Variants in CTNNA3 observed in about 807,000 individuals in gnomAD.
The protein encoded by CTNNA3 is catenin alpha 3.
In CTNNA3, 76 loss-of-function variants were observed where a neutral mutation model predicts 95.7. The ratio of observed to expected loss-of-function variants is 0.79; its 90% CI spans 0.66 to 0.96. The LOEUF is 0.96. Ranked by LOEUF, CTNNA3 falls within the 40% of genes least tolerant of loss-of-function variation. The pLI, the probability that CTNNA3 is intolerant of heterozygous loss-of-function variation, is 0.00. For missense variants in CTNNA3, 1,191 were observed against 1,089.8 expected, an observed-to-expected ratio of 1.09 and a Z score of -1.31; for synonymous variants, 431 against 374.4, an observed-to-expected ratio of 1.15 and a Z score of -1.74.
chr10:67,065,533 C>T (rs1856022627), intron 7 of CTNNA3, among the ~76,000 whole-genome samples: 1 of 151,946 alleles, frequency 6.6e-6, no homozygotes, highest in Admixed American at 6.6e-5. Flanking sequence ...TTCCTGGGCC[C>T]ACAGGAAGTA....
chr10:67,189,153 A>AAC (rs1236646991), intron 6 of CTNNA3, among the ~76,000 whole-genome samples: 2 of 151,838 alleles, frequency 1.3e-5, no homozygotes, highest in African/African-American at 4.8e-5. Context: ...AAAAAAAAAA[A>AAC]CAGAAAATTC....
intron 10 of CTNNA3, among the ~76,000 whole-genome samples, chr10:66,612,842 T>C (rs570785513): frequency 1.3e-5 from 2 of 152,128 alleles, no homozygotes; most frequent in South Asian, 4.2e-4. Context: ...CCATGGAAAA[T>C]GACATTTTTC....
intron 16 of CTNNA3, among the ~76,000 whole-genome samples, chr10:65,982,585 A>T (rs2078342336): frequency 2.0e-5 from 3 of 151,368 alleles, no homozygotes; most frequent in Non-Finnish European, 4.4e-5. Context: ...CAATTGCATA[A>T]ATATGGAATC....
intron 3 of CTNNA3, among the ~76,000 whole-genome samples, chr10:67,541,672 G>A (rs981837066): frequency 2.6e-5 from 4 of 151,992 alleles, no homozygotes; most frequent in African/African-American, 7.2e-5. Context: ...ATTTAAACAT[G>A]GAAAGCACTC....
chr10:67,235,127 T>C (rs1865392785), intron 5 of CTNNA3, among the ~76,000 whole-genome samples: 1 of 152,052 alleles, frequency 6.6e-6, no homozygotes, highest in Non-Finnish European at 1.5e-5. Flanking sequence ...CCCATCAAGC[T>C]ACTAATGACT....
intron 5 of CTNNA3, among the ~76,000 whole-genome samples, chr10:67,224,103 G>T (rs899653542): frequency 6.6e-6 from 1 of 152,160 alleles, no homozygotes; most frequent in Admixed American, 6.5e-5. Context: ...TATGTGCTGT[G>T]AGAACATGTA....
intron 2 of CTNNA3, among the ~76,000 whole-genome samples, chr10:67,617,301 G>A (rs545807893): frequency 2.6e-5 from 4 of 152,078 alleles, no homozygotes; most frequent in Non-Finnish European, 2.9e-5. Context: ...CCCTCTATGT[G>A]TCCATGTGTT....
intron 1 of CTNNA3, among the ~76,000 whole-genome samples, chr10:67,692,130 C>A (rs1026721466): frequency 4.6e-5 from 7 of 151,274 alleles, no homozygotes; most frequent in Admixed American, 4.6e-4. Context: ...GGGTCAGCCC[C>A]CTGCCCGGCC....
At chr10:67,089,276 T>C (rs1857491062) in intron 7 of CTNNA3, among the ~76,000 whole-genome samples, 1 of 152,110 alleles carries the variant, frequency 6.6e-6, no homozygotes, top group African/African-American at 2.4e-5. Flanking sequence ...GGATTACATT[T>C]AAGAATTATA....
chr10:67,483,776 T>TA (rs71468814), intron 5 of CTNNA3, among the ~76,000 whole-genome samples: 11,422 of 110,736 alleles, frequency 0.1, 569 homozygotes, highest in South Asian at 0.17. Flanking sequence ...AAATAAAAAT[T>TA]AAAAAAAAAA....
intron 12 of CTNNA3, among the ~76,000 whole-genome samples, chr10:66,288,221 T>C (rs1410683390): frequency 6.6e-6 from 1 of 152,044 alleles, no homozygotes; most frequent in Non-Finnish European, 1.5e-5. Flanking sequence ...AAGATTCACA[T>C]TAAGGATAAA....
chr10:66,832,160 T>A, intron 7 of CTNNA3, among the ~76,000 whole-genome samples: 1 of 152,282 alleles, frequency 6.6e-6, no homozygotes, highest in East Asian at 1.9e-4. Flanking sequence ...TTCTATAAGT[T>A]GGGAAGAAAC....
intron 1 of CTNNA3, among the ~76,000 whole-genome samples, chr10:67,728,090 A>G (rs1273604916): frequency 7.0e-6 from 1 of 143,412 alleles, no homozygotes; most frequent in East Asian, 2.0e-4. Flanking sequence ...ATTATATAAT[A>G]TGTAATATAC....
intron 7 of CTNNA3, among the ~76,000 whole-genome samples, chr10:66,825,199 CATATATATTTTAAG>C: frequency 6.8e-6 from 1 of 147,152 alleles, no homozygotes; most frequent in Non-Finnish European, 1.5e-5. Context: ...TTTAAAAATA[CATATATATTTTAAG>C]ATATATATAT....
chr10:67,436,765 A>G (rs1846316693), intron 5 of CTNNA3, among the ~76,000 whole-genome samples: 2 of 152,238 alleles, frequency 1.3e-5, no homozygotes, highest in Admixed American at 1.3e-4. Flanking sequence ...AATCAAAACC[A>G]CAAGGCAATA....
chr10:67,454,596 T>A (rs1428535831), intron 5 of CTNNA3, among the ~76,000 whole-genome samples: 1 of 152,168 alleles, frequency 6.6e-6, no homozygotes, highest in African/African-American at 2.4e-5. Context: ...TACATTCCAA[T>A]CTCACTTTGT....
intron 9 of CTNNA3, among the ~76,000 whole-genome samples, chr10:66,632,096 A>C (rs918101093): frequency 6.6e-6 from 1 of 152,136 alleles, no homozygotes; most frequent in Non-Finnish European, 1.5e-5. Context: ...TGGAATGAAT[A>C]GTGAGAAATA....
At chr10:67,341,826 C>G (rs1842202414) in intron 5 of CTNNA3, among the ~76,000 whole-genome samples, 1 of 152,050 alleles carries the variant, frequency 6.6e-6, no homozygotes, top group Non-Finnish European at 1.5e-5. Context: ...TGTACAATGA[C>G]TCCCTTTTCT....
intron 9 of CTNNA3, among the ~76,000 whole-genome samples, chr10:66,742,163 T>G (rs998420039): frequency 6.6e-6 from 1 of 152,166 alleles, no homozygotes; most frequent in Admixed American, 6.5e-5. Flanking sequence ...GGAACGTCCC[T>G]GAGAAAGACA....
Sources: gnomAD v4.1 joint callset for allele counts (sites outside exome capture counted in the v4.1 genomes callset) on GRCh38, gnomAD v4.1.1 for gene constraint, MANE v1.5 for transcripts, NCBI Gene and HGNC (gene_info 2026-07-23, HGNC 2026-07-21) for gene names.